Variants in FAR1 observed in about 807,000 individuals in gnomAD.
FAR1 encodes the protein male sterility domain-containing protein 2.
In FAR1, 22 loss-of-function variants were observed where a neutral mutation model predicts 61.1. That is an observed-to-expected ratio of 0.36 (90% CI 0.26 to 0.51). FAR1 has a LOEUF of 0.51. FAR1 is among the 20% of genes least tolerant of loss of function. FAR1 has a pLI of 0.95. For missense variants in FAR1, 359 were observed against 626.9 expected (o/e 0.57, Z 4.56); for synonymous variants, 206 against 209.7 (o/e 0.98, Z 0.15).
intron 10 of FAR1, among the ~76,000 whole-genome samples, chr11:13,726,598 A>C (rs1036355579): frequency 6.6e-6 from 1 of 151,512 alleles, no homozygotes; most frequent in Non-Finnish European, 1.5e-5. Flanking sequence ...TCTGACTCTC[A>C]TATGCCTAGA....
At chr11:13,707,511 T>C (rs565961025) in intron 3 of FAR1, among the ~76,000 whole-genome samples, 2 of 152,318 alleles carry the variant, frequency 1.3e-5, no homozygotes, top group Non-Finnish European at 2.9e-5. Context: ...TTAACCATTC[T>C]ATTTTTTTCT....
intron 1 of FAR1, among the ~76,000 whole-genome samples, chr11:13,678,557 T>C (rs1848092171): frequency 6.6e-6 from 1 of 152,132 alleles, no homozygotes; most frequent in African/African-American, 2.4e-5. Flanking sequence ...GCCACGAAGG[T>C]CATGCTTTCT....
chr11:13,704,081 A>G (rs1355808557), intron 3 of FAR1, among the ~76,000 whole-genome samples: 1 of 151,336 alleles, frequency 6.6e-6, no homozygotes, highest in Non-Finnish European at 1.5e-5. Flanking sequence ...GGAGAAGTGA[A>G]GATAATAAAT....
chr11:13,669,160 G>C (rs1847965076), intron 1 of FAR1, among the ~76,000 whole-genome samples: 1 of 152,228 alleles, frequency 6.6e-6, no homozygotes, highest in Admixed American at 6.5e-5. Context: ...GGCTCCGCGT[G>C]CTCGCGGGAG....
At chr11:13,688,511 C>G (rs903686331) in intron 1 of FAR1, among the ~76,000 whole-genome samples, 3 of 152,086 alleles carry the variant, frequency 2.0e-5, no homozygotes, top group Non-Finnish European at 4.4e-5. Flanking sequence ...TTGAACTCAT[C>G]CCAGGCTCTA....
chr11:13,726,453 A>G (rs1466489543), intron 10 of FAR1, among the ~76,000 whole-genome samples: 1 of 152,112 alleles, frequency 6.6e-6, no homozygotes, highest in Non-Finnish European at 1.5e-5. Context: ...TTACACTGGC[A>G]TAGAGTTTTA....
chr11:13,716,272 T>A (rs565736621), intron 9 of FAR1, among the ~76,000 whole-genome samples: 3 of 152,244 alleles, frequency 2.0e-5, no homozygotes, highest in East Asian at 1.9e-4. Flanking sequence ...AGTAAAATTT[T>A]AAAAAAATAA....
chr11:13,678,909 G>T lies in FAR1; in HGVS notation c.-8+10103G>T, dbSNP rs544538945. Among the ~76,000 whole-genome samples the T allele has an allele frequency of 2.0e-5, 3 of 152,236 alleles. No homozygotes were observed. The South Asian group carries it at 6.2e-4, about 32-fold the overall frequency. ...ATTCAGAAGGCAGCCATAAGAAAGT[G>T]ACACAAGAAAAATAGAAAATACAGC... On this transcript the variant is annotated intron_variant, in intron 1 of 11. Transcript: ENST00000354817.
intron 1 of FAR1, among the ~76,000 whole-genome samples, chr11:13,671,686 A>G (rs2134163924): frequency 6.6e-6 from 1 of 152,340 alleles, no homozygotes; most frequent in South Asian, 2.1e-4. Context: ...TCTTCTGATT[A>G]TCTGTATTTT....
chr11:13,719,056 C>T (rs990233343), intron 9 of FAR1, among the ~76,000 whole-genome samples: 1 of 152,170 alleles, frequency 6.6e-6, no homozygotes, highest in Non-Finnish European at 1.5e-5. Flanking sequence ...GAAGTCACAT[C>T]ATGTCACTTC....
At chr11:13,706,603 C>T (rs1425494215) in intron 3 of FAR1, among the ~76,000 whole-genome samples, 1 of 152,020 alleles carries the variant, frequency 6.6e-6, no homozygotes, top group Non-Finnish European at 1.5e-5. Flanking sequence ...TATTCATTAT[C>T]TCACATACTT....
In FAR1 at chr11:13,700,638, T is replaced by C. The variant is rs1591263614; in HGVS notation, c.365+146T>C. The C allele has an allele frequency of 1.5e-5, 6 of 413,626 alleles. No individual in the cohort carries two copies. The East Asian group carries it at 2.2e-4, about 15-fold the overall frequency. The allele number at this position is 413,626 out of a possible 1,614,324, so 25.6% of individuals were successfully genotyped here. On this transcript the variant is annotated intron_variant, in intron 3 of 11. Coordinates refer to ENST00000354817, the MANE Select transcript of FAR1 (RefSeq NM_032228.6). ...CTGTGGCTTTCAGTGTCCTACAGAG[T>C]GTTAAAAGAATTCTCTTCTTCTTCT...
At chr11:13,697,598 T>C (rs1274079286) in intron 2 of FAR1, among the ~76,000 whole-genome samples, 1 of 151,978 alleles carries the variant, frequency 6.6e-6, no homozygotes, top group Admixed American at 6.6e-5. Context: ...CCAGAAAAGA[T>C]GGTATTGAGT....
intron 1 of FAR1, among the ~76,000 whole-genome samples, chr11:13,684,052 C>T (rs919502026): frequency 2.6e-5 from 4 of 152,122 alleles, no homozygotes; most frequent in Admixed American, 1.3e-4. Flanking sequence ...TACTTTATTG[C>T]TTTGTGAACA....
intron 1 of FAR1, among the ~76,000 whole-genome samples, chr11:13,687,574 A>G (rs1241348152): frequency 1.3e-5 from 2 of 152,224 alleles, no homozygotes; most frequent in African/African-American, 4.8e-5. Flanking sequence ...TGTGGAAGAT[A>G]GGACAAGTCT....
intron 1 of FAR1, among the ~76,000 whole-genome samples, chr11:13,692,311 C>T (rs1201599912): frequency 6.6e-6 from 1 of 152,138 alleles, no homozygotes; most frequent in East Asian, 1.9e-4. Flanking sequence ...TGCTTCTGGT[C>T]CAAAGCATTT....
intron 3 of FAR1, among the ~76,000 whole-genome samples, chr11:13,702,141 A>G (rs1416307394): frequency 1.3e-5 from 2 of 152,126 alleles, no homozygotes; most frequent in African/African-American, 2.4e-5. Context: ...TTGTGCAGCC[A>G]TTATGTGTTA....
chr11:13,681,215 A>C (rs1191654691), intron 1 of FAR1, among the ~76,000 whole-genome samples: 1 of 152,202 alleles, frequency 6.6e-6, no homozygotes, highest in Non-Finnish European at 1.5e-5. Context: ...CCATGAGTCC[A>C]TATTTTTAAA....
At chr11:13,679,646 T>G (rs1466357484) in intron 1 of FAR1, among the ~76,000 whole-genome samples, 1 of 152,190 alleles carries the variant, frequency 6.6e-6, no homozygotes, top group Non-Finnish European at 1.5e-5. Context: ...TTGAAAAATT[T>G]GTTTTCTGAT....
Sources: allele counts gnomAD v4.1 joint callset (sites outside exome capture counted in the v4.1 genomes callset), GRCh38; gene constraint gnomAD v4.1.1; transcripts MANE v1.5; gene names NCBI Gene and HGNC (gene_info 2026-07-23, HGNC 2026-07-21).